ZNF385D: variants seen among roughly 807,000 people sequenced by gnomAD.
The protein encoded by ZNF385D is zinc finger protein 385D, also known as zinc finger protein 659.
In ZNF385D, 15 loss-of-function variants were observed where a neutral mutation model predicts 35.8. The observed-to-expected ratio is 0.42, with a 90% confidence interval of 0.28 to 0.64. The LOEUF (loss-of-function observed/expected upper bound fraction) is 0.64. Ranked by LOEUF, ZNF385D falls within the 30% of genes least tolerant of loss-of-function variation. ZNF385D has a pLI of 0.23. For synonymous variants in ZNF385D, 212 were observed against 186.8 expected (o/e 1.13, Z -1.10); for missense variants, 474 against 494.6 (o/e 0.96, Z 0.39).
intron 3 of ZNF385D, among the ~76,000 whole-genome samples, chr3:21,541,548 A>T (rs987044678): frequency 1.3e-5 from 2 of 152,078 alleles, no homozygotes; most frequent in Non-Finnish European, 2.9e-5. Flanking sequence ...TGGCCACAAA[A>T]CCCCAAATTA....
chr3:21,859,187 A>G (rs1696900128), intron 3 of ZNF385D, among the ~76,000 whole-genome samples: 1 of 152,004 alleles, frequency 6.6e-6, no homozygotes, highest in African/African-American at 2.4e-5. Flanking sequence ...AAACCAAAAA[A>G]CAGCTCCTGA....
intron 2 of ZNF385D, among the ~76,000 whole-genome samples, chr3:21,640,901 C>A (rs1341692961): frequency 6.6e-6 from 1 of 152,102 alleles, no homozygotes; most frequent in Non-Finnish European, 1.5e-5. Context: ...TGAATGTATT[C>A]TTTCGTGTTT....
At chr3:21,762,594 A>G (rs897354048) in intron 3 of ZNF385D, among the ~76,000 whole-genome samples, 5 of 152,162 alleles carry the variant, frequency 3.3e-5, no homozygotes, top group African/African-American at 9.7e-5. Flanking sequence ...TGTCTCATCT[A>G]TTTTATTGCC....
At chr3:22,311,612 G>A (rs916432750) in intron 2 of ZNF385D, among the ~76,000 whole-genome samples, 2 of 152,052 alleles carry the variant, frequency 1.3e-5, no homozygotes, top group South Asian at 2.1e-4. Context: ...ATGTAAACTC[G>A]AAAGAATTTT....
chr3:21,877,896 C>T (rs1279970761), intron 3 of ZNF385D: 1 of 152,016 alleles, frequency 6.6e-6, no homozygotes, highest in Non-Finnish European at 1.5e-5. Flanking sequence ...TTCTTCAATA[C>T]ATCTGTTATC....
intron 2 of ZNF385D, among the ~76,000 whole-genome samples, chr3:21,580,666 C>A (rs894111699): frequency 6.6e-6 from 1 of 151,284 alleles, no homozygotes; most frequent in Non-Finnish European, 1.5e-5. Flanking sequence ...TCTTTTTAAC[C>A]TTTTCTGCAT....
intron 1 of ZNF385D, among the ~76,000 whole-genome samples, chr3:21,730,500 A>G (rs1468506010): frequency 6.6e-6 from 1 of 152,238 alleles, no homozygotes; most frequent in Non-Finnish European, 1.5e-5. Context: ...ACCCTTGATG[A>G]GAAAAAAATA....
At chr3:21,886,232 C>G (rs923805313) in intron 3 of ZNF385D, among the ~76,000 whole-genome samples, 1 of 152,038 alleles carries the variant, frequency 6.6e-6, no homozygotes, top group Non-Finnish European at 1.5e-5. Flanking sequence ...TTTATCTTCC[C>G]ACCATAAAGT....
intron 3 of ZNF385D, among the ~76,000 whole-genome samples, chr3:22,053,027 C>G (rs1362362012): frequency 1.3e-5 from 1 of 77,604 alleles, no homozygotes; most frequent in Non-Finnish European, 2.6e-5. Flanking sequence ...TGGGCTCCAC[C>G]CAGTTCGAGC....
intron 2 of ZNF385D, among the ~76,000 whole-genome samples, chr3:21,566,433 CTGGCCAGCA>C (rs2063149661): frequency 6.6e-6 from 1 of 152,084 alleles, no homozygotes; most frequent in Non-Finnish European, 1.5e-5. Context: ...GGAGACCAGC[CTGGCCAGCA>C]TGGTGAAACC....
chr3:22,076,933 T>G (rs937859711), intron 3 of ZNF385D, among the ~76,000 whole-genome samples: 10 of 151,882 alleles, frequency 6.6e-5, no homozygotes, highest in African/African-American at 2.4e-4. Flanking sequence ...AAAACACTCA[T>G]CTACCTCTGA....
intron 3 of ZNF385D, among the ~76,000 whole-genome samples, chr3:21,535,630 C>T (rs570203957): frequency 2.6e-5 from 4 of 151,650 alleles, no homozygotes; most frequent in East Asian, 1.9e-4. Context: ...GAAAATATAT[C>T]CACTTAGCAA....
At chr3:21,906,402 C>G (rs975090404) in intron 3 of ZNF385D, among the ~76,000 whole-genome samples, 1 of 152,126 alleles carries the variant, frequency 6.6e-6, no homozygotes, top group Non-Finnish European at 1.5e-5. Context: ...AGTTTAAGCT[C>G]TGCTCATTTG....
intron 3 of ZNF385D, among the ~76,000 whole-genome samples, chr3:22,096,127 A>ATAT (rs111957617): frequency 1.3e-5 from 2 of 151,634 alleles, no homozygotes; most frequent in African/African-American, 2.4e-5. Context: ...AGGTAAAAAA[A>ATAT]ATATATATAC....
At chr3:22,086,795 A>T (rs1046941595) in intron 3 of ZNF385D, among the ~76,000 whole-genome samples, 1 of 152,194 alleles carries the variant, frequency 6.6e-6, no homozygotes, top group East Asian at 1.9e-4. Context: ...GACATGGATG[A>T]AGCTGGAAAC....
chr3:21,669,768 C>T (rs1235807617), intron 1 of ZNF385D, among the ~76,000 whole-genome samples: 4 of 152,188 alleles, frequency 2.6e-5, no homozygotes, highest in African/African-American at 4.8e-5. Flanking sequence ...GCTACTTAGG[C>T]TTTCTGAAAG....
chr3:22,252,571 G>C (rs980466264), intron 2 of ZNF385D, among the ~76,000 whole-genome samples: 1 of 151,950 alleles, frequency 6.6e-6, no homozygotes, highest in Non-Finnish European at 1.5e-5. Context: ...TGATTATTGG[G>C]TGCTGTGCAT....
chr3:21,823,349 C>G lies in ZNF385D; in HGVS notation c.326-158321G>C, dbSNP rs1223350719. Among the ~76,000 whole-genome samples the G allele has an allele frequency of 2.0e-5, 3 of 152,042 alleles. No homozygotes were observed. The East Asian group carries it at 5.8e-4, about 29-fold the overall frequency. Reference sequence around the variant, plus strand: ...ACTATGATAATTATTTGGGTTTTGGCAATTGTTATTTGTATCCTAAACACT... The same window carrying G: ...ACTATGATAATTATTTGGGTTTTGGGAATTGTTATTTGTATCCTAAACACT... On this transcript the variant is annotated intron_variant, in intron 3 of 5. Transcript: ENST00000494108.
chr3:22,100,722 T>C (rs930658202), intron 3 of ZNF385D, among the ~76,000 whole-genome samples: 5 of 150,072 alleles, frequency 3.3e-5, no homozygotes, highest in South Asian at 4.3e-4. Flanking sequence ...ATGGGAGATA[T>C]ACCTAATGCT....
Sources: gnomAD v4.1 joint callset for allele counts (sites outside exome capture counted in the v4.1 genomes callset) on GRCh38, gnomAD v4.1.1 for gene constraint, MANE v1.5 for transcripts, NCBI Gene and HGNC (gene_info 2026-07-23, HGNC 2026-07-21) for gene names.